Variants in TYW1 observed in about 807,000 individuals in gnomAD.
TYW1 encodes the protein tRNA-yW synthesizing protein 1 homolog, also known as S-adenosyl-L-methionine-dependent tRNA 4-demethylwyosine synthase TYW1.
Under a neutral mutation model 96.2 loss-of-function variants are expected in TYW1, and 46 were observed. That is an observed-to-expected ratio of 0.48 (90% CI 0.38 to 0.61). The LOEUF (loss-of-function observed/expected upper bound fraction) is 0.61. Ranked by LOEUF, TYW1 falls within the 20% of genes least tolerant of loss-of-function variation. TYW1 has a pLI of 0.00. For missense variants in TYW1, 684 were observed against 909.6 expected (o/e 0.75, Z 3.19); for synonymous variants, 274 against 323.0 (o/e 0.85, Z 1.63).
chr7:67,057,802 C>T (rs1391936706), intron 9 of TYW1, among the ~76,000 whole-genome samples: 1 of 152,142 alleles, frequency 6.6e-6, no homozygotes, highest in Non-Finnish European at 1.5e-5. Context: ...GGATGTGAAT[C>T]TTTTGTTGAA....
intron 13 of TYW1, among the ~76,000 whole-genome samples, chr7:67,140,812 A>T (rs1798427058): frequency 6.6e-6 from 1 of 152,234 alleles, no homozygotes; most frequent in African/African-American, 2.4e-5. Context: ...TCATTGTGAC[A>T]TTATTTATAA....
At chr7:67,222,151 C>T (rs539980249) in intron 15 of TYW1, among the ~76,000 whole-genome samples, 97 of 152,014 alleles carry the variant, frequency 6.4e-4, no homozygotes, top group African/African-American at 2.0e-3. Flanking sequence ...GAGCTGAGAT[C>T]GCACCACTAC....
At chr7:67,229,572 T>C (rs1801680441) in intron 15 of TYW1, among the ~76,000 whole-genome samples, 1 of 151,944 alleles carries the variant, frequency 6.6e-6, no homozygotes, top group South Asian at 2.1e-4. Flanking sequence ...CACTGTTTTC[T>C]GTAAGTTTTA....
intron 7 of TYW1, among the ~76,000 whole-genome samples, chr7:67,039,821 C>A (rs1462128948): frequency 4.0e-5 from 6 of 151,664 alleles, no homozygotes; most frequent in Non-Finnish European, 5.9e-5. Context: ...TGCCACCACG[C>A]CCAGCTAATT....
At chr7:67,075,822 G>A (rs1796184620) in intron 10 of TYW1, among the ~76,000 whole-genome samples, 1 of 152,224 alleles carries the variant, frequency 6.6e-6, no homozygotes, top group Non-Finnish European at 1.5e-5. Flanking sequence ...CATGTAAAAA[G>A]TGAAGTAGAG....
At chr7:67,099,086 C>T (rs1399757488) in intron 12 of TYW1, among the ~76,000 whole-genome samples, 12 of 151,108 alleles carry the variant, frequency 7.9e-5, no homozygotes, top group Non-Finnish European at 1.3e-4. Flanking sequence ...AGTGCAGTGG[C>T]GTGATCATGG....
intron 15 of TYW1, among the ~76,000 whole-genome samples, chr7:67,235,843 G>A (rs866450826): frequency 2.7e-4 from 39 of 143,540 alleles, no homozygotes; most frequent in African/African-American, 1.0e-3. Context: ...GCAGTGAGCC[G>A]AGATAGCACC....
intron 10 of TYW1, among the ~76,000 whole-genome samples, chr7:67,082,860 G>T (rs187909330): frequency 1.2e-3 from 185 of 152,222 alleles, no homozygotes; most frequent in African/African-American, 4.2e-3. Flanking sequence ...AGTGATGGTG[G>T]TGGGACCTCA....
chr7:67,180,632 CATTT>C (rs375057980), intron 13 of TYW1, among the ~76,000 whole-genome samples: 72 of 147,574 alleles, frequency 4.9e-4, no homozygotes, highest in Middle Eastern at 3.4e-3. Flanking sequence ...AATAGAAATG[CATTT>C]ATTTATTTAT....
intron 9 of TYW1, among the ~76,000 whole-genome samples, chr7:67,064,429 A>G (rs1052282902): frequency 5.3e-5 from 8 of 152,226 alleles, no homozygotes; most frequent in African/African-American, 1.7e-4. Context: ...CAAAAATGCA[A>G]AAGCTGTTCT....
intron 13 of TYW1, among the ~76,000 whole-genome samples, chr7:67,125,643 T>A (rs1797891963): frequency 1.3e-5 from 2 of 152,154 alleles, no homozygotes; most frequent in African/African-American, 4.8e-5. Context: ...TGTGGACAAA[T>A]GTATAGTGAC....
intron 13 of TYW1, among the ~76,000 whole-genome samples, chr7:67,162,712 C>T (rs1479555200): frequency 6.6e-6 from 1 of 152,134 alleles, no homozygotes; most frequent in African/African-American, 2.4e-5. Context: ...TCAATATCCT[C>T]GGACATCCAA....
rs988707281 is a variant in TYW1 at position 67,035,381 on chromosome 7, G to T, written c.984+10359G>T. Among the ~76,000 whole-genome samples the T allele has an allele frequency of 2.6e-5, 4 of 152,052 alleles. 1 individual carries two copies. The highest frequency in any genetic ancestry group is 9.7e-5 in the African/African-American group (4 of 41,360). ...ATCACCCGCCTCGGTCTCCCAAAGT[G>T]TTGGGATTACAAGCGTGAGCCACTG... On this transcript the variant is annotated intron_variant, in intron 7 of 15. Transcript: ENST00000359626.
At chr7:67,174,899 G>A (rs1170813310) in intron 13 of TYW1, among the ~76,000 whole-genome samples, 2 of 151,912 alleles carry the variant, frequency 1.3e-5, no homozygotes, top group African/African-American at 2.4e-5. Flanking sequence ...CAATTAATTT[G>A]GGAATTTAGA....
chr7:67,007,927 G>A (rs1242889472), intron 3 of TYW1, among the ~76,000 whole-genome samples: 1 of 152,044 alleles, frequency 6.6e-6, no homozygotes, highest in South Asian at 2.1e-4. Context: ...GAGCCACCAC[G>A]CCTGGCCAAC....
chr7:67,199,112 A>T (rs918654885), intron 15 of TYW1, among the ~76,000 whole-genome samples: 5 of 152,140 alleles, frequency 3.3e-5, no homozygotes, highest in Non-Finnish European at 7.4e-5. Context: ...TGGAAGGATC[A>T]TCTGAGCCCA....
At chr7:67,159,957 C>T (rs537611138) in intron 13 of TYW1, among the ~76,000 whole-genome samples, 31 of 142,386 alleles carry the variant, frequency 2.2e-4, no homozygotes, top group Non-Finnish European at 3.2e-4. Context: ...CCCGCCACCA[C>T]GCCCGGCTAA....
intron 13 of TYW1, among the ~76,000 whole-genome samples, chr7:67,174,216 T>C (rs1422837517): frequency 2.0e-5 from 3 of 152,180 alleles, no homozygotes; most frequent in East Asian, 1.9e-4. Flanking sequence ...TGTGCTTTTT[T>C]CCCCCATTAC....
At chr7:67,090,299 GA>G (rs1645580649) in intron 11 of TYW1, among the ~76,000 whole-genome samples, 1 of 152,218 alleles carries the variant, frequency 6.6e-6, no homozygotes, top group African/African-American at 2.4e-5. Context: ...TCGTTGGGAA[GA>G]TTTTTGGCCA....
Sources: allele counts gnomAD v4.1 joint callset (sites outside exome capture counted in the v4.1 genomes callset), GRCh38; gene constraint gnomAD v4.1.1; transcripts MANE v1.5; gene names NCBI Gene and HGNC (gene_info 2026-07-23, HGNC 2026-07-21).